The following LRP12 variants were observed in gnomAD, a reference collection of about 807,000 sequenced individuals.
LRP12 encodes LDL receptor related protein 12.
A neutral mutation model predicts 66.0 loss-of-function variants in LRP12; 14 were observed. The observed-to-expected ratio is 0.21, with a 90% CI of 0.14 to 0.33. LRP12 has a LOEUF of 0.33. LRP12 is among the 10% of genes least tolerant of loss of function. The pLI is 1.00. For missense variants in LRP12, 889 were observed against 1,053.4 expected (o/e 0.84, Z 2.16); for synonymous variants, 357 against 359.1 (o/e 0.99, Z 0.07).
intron 1 of LRP12, among the ~76,000 whole-genome samples, chr8:104,564,658 C>G (rs1811967547): frequency 6.6e-6 from 1 of 151,882 alleles, no homozygotes; most frequent in African/African-American, 2.4e-5. Flanking sequence ...AGGCTGGGTG[C>G]AGTGGCTCAC....
intron 2 of LRP12, among the ~76,000 whole-genome samples, chr8:104,511,282 T>C (rs1029139756): frequency 6.6e-6 from 1 of 151,902 alleles, no homozygotes; most frequent in Non-Finnish European, 1.5e-5. Context: ...GACCTTGTGA[T>C]GTTACCACCT....
chr8:104,502,439 T>C (rs993676282), intron 3 of LRP12, among the ~76,000 whole-genome samples: 3 of 152,160 alleles, frequency 2.0e-5, no homozygotes, highest in Admixed American at 2.0e-4. Flanking sequence ...TTAAATGCAG[T>C]TACTTTCCAG....
At chr8:104,548,067 T>C (rs1811629272) in intron 1 of LRP12, among the ~76,000 whole-genome samples, 1 of 120,044 alleles carries the variant, frequency 8.3e-6, no homozygotes, top group African/African-American at 3.2e-5. Flanking sequence ...TTGTATATAA[T>C]ATATAATTCT....
chr8:104,537,795 A>G (rs767507930), intron 1 of LRP12, among the ~76,000 whole-genome samples: 13 of 152,172 alleles, frequency 8.5e-5, no homozygotes, highest in East Asian at 3.8e-4. Context: ...TTCCAAAAAC[A>G]TAGAGTAAAA....
chr8:104,548,449 T>A (rs1811666195), intron 1 of LRP12, among the ~76,000 whole-genome samples: 1 of 119,118 alleles, frequency 8.4e-6, no homozygotes, highest in African/African-American at 3.4e-5. Context: ...TATATTATAT[T>A]ATATTTTGTA....
At chr8:104,534,405 C>T (rs1811367219) in intron 1 of LRP12, among the ~76,000 whole-genome samples, 1 of 151,964 alleles carries the variant, frequency 6.6e-6, no homozygotes, top group African/African-American at 2.4e-5. Flanking sequence ...TATACTTTAG[C>T]ATTGGCCAAA....
chr8:104,528,465 C>T (rs1373083344), intron 2 of LRP12, among the ~76,000 whole-genome samples: 2 of 152,080 alleles, frequency 1.3e-5, no homozygotes, highest in African/African-American at 2.4e-5. Context: ...TCTATAGCTC[C>T]GTACTGGCCA....
chr8:104,523,150 C>T (rs1473684361), intron 2 of LRP12, among the ~76,000 whole-genome samples: 1 of 151,916 alleles, frequency 6.6e-6, no homozygotes, highest in Non-Finnish European at 1.5e-5. Context: ...TTGTGTAAGT[C>T]CACTTATACA....
intron 1 of LRP12, among the ~76,000 whole-genome samples, chr8:104,577,785 T>C (rs1157592457): frequency 1.6e-5 from 2 of 123,714 alleles, no homozygotes; most frequent in Non-Finnish European, 3.2e-5. Context: ...TGCTCCAGCC[T>C]GGGTAACAGA....
chr8:104,532,069 C>A, intron 1 of LRP12, 106 bp from the exon 2 acceptor site: 1 of 631,284 alleles, frequency 1.6e-6, no homozygotes, highest in Admixed American at 2.9e-5. Context: ...CCTTTTAATA[C>A]AGAGAAGCTA....
intron 6 of LRP12, 92 bp from the exon 7 acceptor site, chr8:104,491,631 G>T: frequency 9.4e-7 from 1 of 1,066,842 alleles, no homozygotes; most frequent in East Asian, 2.6e-5. Flanking sequence ...AATGTGTTGT[G>T]GTTAAAAATT....
chr8:104,541,369 T>C (rs1811473653), intron 1 of LRP12, among the ~76,000 whole-genome samples: 1 of 152,136 alleles, frequency 6.6e-6, no homozygotes, highest in African/African-American at 2.4e-5. Context: ...GGAAAAGGAA[T>C]TTTAGGACTA....
At chr8:104,548,316 A>T (rs1192599865) in intron 1 of LRP12, among the ~76,000 whole-genome samples, 9 of 22,874 alleles carry the variant, frequency 3.9e-4, no homozygotes, top group African/African-American at 1.8e-3. Flanking sequence ...ATATTATATA[A>T]ATATATAATA....
chr8:104,585,675 C>T (rs574092046), intron 1 of LRP12, among the ~76,000 whole-genome samples: 2 of 152,248 alleles, frequency 1.3e-5, no homozygotes, highest in African/African-American at 4.8e-5. Flanking sequence ...TAGAAAACAT[C>T]TGAGTGCACA....
At chr8:104,499,653 G>GT (rs777042543) in intron 3 of LRP12, 134 bp from the exon 4 acceptor site, 3 of 570,334 alleles carry the variant, frequency 5.3e-6, no homozygotes, top group East Asian at 2.9e-5. Flanking sequence ...GCATACAACC[G>GT]TATCATTAGC....
At chr8:104,558,491 A>G (rs2140885543) in intron 1 of LRP12, among the ~76,000 whole-genome samples, 1 of 152,316 alleles carries the variant, frequency 6.6e-6, no homozygotes, top group East Asian at 1.9e-4. Flanking sequence ...AAGACCTGAA[A>G]CCATAAAAAT....
chr8:104,550,746 C>T (rs994209763), intron 1 of LRP12, among the ~76,000 whole-genome samples: 2 of 152,026 alleles, frequency 1.3e-5, no homozygotes, highest in Non-Finnish European at 2.9e-5. Context: ...TAAATATAAG[C>T]TTCAAAGGGG....
Position 104,490,841 on chromosome 8 carries a change from T to C in LRP12, c.2412A>G (p.Gln804=). The part of the protein sequence containing the change: ...PLLDLASDQG[Q]GLRQPYNATN... ...TTGCATTATATGGTTGTCTAAGCCC[T>C]TGTCCTTGATCTGAGGCAAGATCAA... is the stretch of plus-strand genomic sequence containing the variant. Residue 804 remains glutamine (Q), a synonymous_variant, in exon 7 of 7, where the codon CAA becomes CAG. Transcript: ENST00000276654. 1 of 1,614,138 alleles carries C rather than the reference T, an allele frequency of 6.2e-7. No homozygotes were observed. Among genetic ancestry groups the C allele is most frequent in the Non-Finnish European group, 8.5e-7 (1 of 1,180,008 alleles).
chr8:104,563,068 G>C (rs1349956407), intron 1 of LRP12, among the ~76,000 whole-genome samples: 2 of 152,250 alleles, frequency 1.3e-5, no homozygotes, highest in Non-Finnish European at 1.5e-5. Context: ...TAATGGTTAA[G>C]AGCACAGATT....
Sources: gnomAD v4.1 joint callset for allele counts (sites outside exome capture counted in the v4.1 genomes callset) on GRCh38, gnomAD v4.1.1 for gene constraint, MANE v1.5 for transcripts, NCBI Gene and HGNC (gene_info 2026-07-23, HGNC 2026-07-21) for gene names.